The following F5 variants were observed in gnomAD, a reference collection of about 807,000 sequenced individuals.
F5 encodes coagulation factor V.
Under a neutral mutation model 216.4 loss-of-function variants are expected in F5, and 138 were observed. The observed-to-expected ratio is 0.64, with a 90% confidence interval of 0.56 to 0.73. F5 has a LOEUF of 0.73. F5 is among the 30% of genes least tolerant of loss of function. F5 has a pLI of 0.00. For synonymous variants in F5, 916 were observed against 930.7 expected, an observed-to-expected ratio of 0.98 and a Z score of 0.29; for missense variants, 2,403 against 2,674.0, an observed-to-expected ratio of 0.90 and a Z score of 2.24.
chr1:169,584,166 G>A (rs1007570726), intron 1 of F5, among the ~76,000 whole-genome samples: 28 of 152,124 alleles, frequency 1.8e-4, no homozygotes, highest in Admixed American at 1.1e-3. Flanking sequence ...AGTCTCTTAC[G>A]TGGAGTAATT....
chr1:169,522,280 A>G (rs534428992), intron 21 of F5, among the ~76,000 whole-genome samples: 1 of 152,286 alleles, frequency 6.6e-6, no homozygotes, highest in South Asian at 2.1e-4. Flanking sequence ...AATTGCAGAC[A>G]TTTTCTCCTA....
intron 19 of F5, among the ~76,000 whole-genome samples, chr1:169,524,377 A>C (rs1235220088): frequency 6.6e-6 from 1 of 152,220 alleles, no homozygotes; most frequent in Non-Finnish European, 1.5e-5. Flanking sequence ...AATGGGGACT[A>C]TAATGCCTGG....
chr1:169,577,910 G>A (rs909718492), intron 2 of F5, among the ~76,000 whole-genome samples: 1 of 152,020 alleles, frequency 6.6e-6, no homozygotes, highest in Admixed American at 6.6e-5. Flanking sequence ...AGTTCATGCT[G>A]CAGGAGTGAG....
At chr1:169,546,872 G>A (rs373898696) in intron 10 of F5, among the ~76,000 whole-genome samples, 3 of 151,564 alleles carry the variant, frequency 2.0e-5, no homozygotes, top group Non-Finnish European at 2.9e-5. Flanking sequence ...GCTCACGCCT[G>A]TAATACCAGC....
In F5 at chr1:169,555,228, C is replaced by G. The variant is rs751143631; in HGVS notation, c.1072G>C (p.Glu358Gln). ...ACAGGTGCATAGTCCCAAATGACTT[C>G]CTCTGCAGCAATGAAGTATTCCCAC... is the stretch of plus-strand genomic sequence containing the variant. ...KRWEYFIAAE[E>Q]VIWDYAPVIP... The change falls in exon 7 of 25, where the codon GAA becomes CAA. Residue 358 changes from glutamate (E) to glutamine (Q), a missense_variant. By Grantham distance (29) the Glu-to-Gln change is conservative. Coordinates refer to ENST00000367797, the MANE Select transcript of F5 (RefSeq NM_000130.5). The G allele has an allele frequency of 6.2e-7, 1 of 1,614,138 alleles. No homozygotes were observed. Among genetic ancestry groups the G allele is most frequent in the Non-Finnish European group, 8.5e-7 (1 of 1,180,020 alleles).
intron 23 of F5, among the ~76,000 whole-genome samples, chr1:169,516,700 A>G (rs148415496): frequency 6.6e-6 from 1 of 152,324 alleles, no homozygotes; most frequent in Non-Finnish European, 1.5e-5. Flanking sequence ...AGGTAGAGAC[A>G]TTTTAGTTAT....
In F5 at chr1:169,531,005, TA is replaced by T. The variant is rs1557910392; in HGVS notation, c.4988del (p.Leu1663Ter). ...DDVIQVRFKNLASRPYSLHAH... is the reference protein window; with the variant it reads ...DDVIQVRFKNXASRPYSLHAH... ...CATGTAGAGAATACGGTCTGGATGCTAAATTTTTAAAACGAACCTAGGAAAA... is the reference window on the plus strand; with the variant it reads ...CATGTAGAGAATACGGTCTGGATGCTAATTTTTAAAACGAACCTAGGAAAA... On this transcript the variant is annotated frameshift_variant, in exon 15 of 25. Transcript: ENST00000367797. LOFTEE classifies it high-confidence loss of function. 2 of 1,612,836 alleles carry T rather than the reference TA, an allele frequency of 1.2e-6. No individual in the cohort carries two copies. Among genetic ancestry groups the T allele is most frequent in the Non-Finnish European group, 1.7e-6 (2 of 1,179,592 alleles).
chr1:169,547,346 T>C (rs889829952), intron 10 of F5, among the ~76,000 whole-genome samples: 2 of 152,126 alleles, frequency 1.3e-5, no homozygotes, highest in African/African-American at 2.4e-5. Flanking sequence ...TCAAATGGGA[T>C]TTAATTGAAA....
At chr1:169,560,243 A>G (rs755080862) in intron 4 of F5, among the ~76,000 whole-genome samples, 2 of 152,156 alleles carry the variant, frequency 1.3e-5, no homozygotes, top group African/African-American at 2.4e-5. Context: ...TACTTTCTAA[A>G]AGACTTTGGC....
chr1:169,515,077 A>G (rs563678831), intron 24 of F5, among the ~76,000 whole-genome samples: 1 of 152,284 alleles, frequency 6.6e-6, no homozygotes, highest in East Asian at 1.9e-4. Context: ...TTAAAATGTG[A>G]CCATGCATTT....
chr1:169,553,054 T>C (rs1660210531), intron 7 of F5, among the ~76,000 whole-genome samples: 1 of 152,228 alleles, frequency 6.6e-6, no homozygotes, highest in East Asian at 1.9e-4. Flanking sequence ...GAAAAGATAC[T>C]AGGAATTTTT....
At chr1:169,523,461 A>C in intron 20 of F5, 109 bp from the exon 21 acceptor site, 1 of 1,297,456 alleles carries the variant, frequency 7.7e-7, no homozygotes, top group Non-Finnish European at 1.1e-6. Context: ...CTAGCACATA[A>C]GATCTTAGCA....
Position 169,577,587 on chromosome 1 carries a change from ATATATATATATATATATG to A in F5, c.250+4826_250+4843del, listed in dbSNP as rs1349817145. ...TATATATATATATATATATATATAT[ATATATATATATATATATG>A]TATGTATTTTTTTAAATAGAAACAG... On this transcript the variant is annotated intron_variant, in intron 2 of 24. Coordinates refer to ENST00000367797, the MANE Select transcript of F5 (RefSeq NM_000130.5). Among the ~76,000 whole-genome samples, 40 of 112,860 alleles carry A rather than the reference ATATATATATATATATATG, an allele frequency of 3.5e-4. 1 individual carries two copies. The highest frequency in any genetic ancestry group is 1.3e-3 in the South Asian group (5 of 3,848). 74.0% of individuals were successfully genotyped at this position (112,860 alleles called of 152,430 possible).
chr1:169,575,012 A>G (rs931888984), intron 2 of F5, among the ~76,000 whole-genome samples: 12 of 152,192 alleles, frequency 7.9e-5, no homozygotes, highest in African/African-American at 2.7e-4. Flanking sequence ...TATAGTAGGA[A>G]AGACAGATTT....
chr1:169,552,341 CTTG>C (rs1660192497), intron 8 of F5, among the ~76,000 whole-genome samples: 1 of 152,144 alleles, frequency 6.6e-6, no homozygotes, highest in South Asian at 2.1e-4. Flanking sequence ...ACATAGACTC[CTTG>C]TTTTATGCCT....
chr1:169,544,256 A>C, intron 12 of F5, 40 bp downstream of exon 12: 3 of 1,585,674 alleles, frequency 1.9e-6, no homozygotes, highest in Non-Finnish European at 2.6e-6. Context: ...CCAGAAATTC[A>C]AAGCAAGCTT....
At chr1:169,528,210 C>T in intron 16 of F5, 116 bp from the exon 17 acceptor site, 3 of 1,299,546 alleles carry the variant, frequency 2.3e-6, no homozygotes, top group Non-Finnish European at 3.2e-6. Context: ...TCTGCATTCC[C>T]AGGCCTACCT....
At chr1:169,530,143 A>C (rs2187953) in intron 15 of F5, among the ~76,000 whole-genome samples, 37,198 of 152,144 alleles carry the variant, frequency 0.24, 4,754 homozygotes, top group Admixed American at 0.34. Context: ...ACTATCTTAT[A>C]TGGTAAATAT....
At chr1:169,515,750 T>C in intron 23 of F5, 124 bp from the exon 24 acceptor site, 1 of 915,632 alleles carries the variant, frequency 1.1e-6, no homozygotes, top group Non-Finnish European at 1.7e-6. Context: ...CCCTTAGGAT[T>C]CACAGTCTCC....
Sources: allele counts gnomAD v4.1 joint callset (sites outside exome capture counted in the v4.1 genomes callset), GRCh38; gene constraint gnomAD v4.1.1; transcripts MANE v1.5; gene names NCBI Gene and HGNC (gene_info 2026-07-23, HGNC 2026-07-21).